CNTNAP2: variants seen among roughly 807,000 people sequenced by gnomAD.
CNTNAP2 encodes contactin associated protein 2, also known as contactin-associated protein-like 2.
CNTNAP2 carries 98 observed loss-of-function variants against 155.2 expected under a neutral mutation model. That is an observed-to-expected ratio of 0.63 (90% CI 0.54 to 0.75). The LOEUF (loss-of-function observed/expected upper bound fraction) is 0.75. CNTNAP2 is among the 30% of genes least tolerant of loss of function. The pLI, the probability that CNTNAP2 is intolerant of heterozygous loss-of-function variation, is 0.00. For synonymous variants in CNTNAP2, 651 were observed against 631.2 expected (o/e 1.03, Z -0.47); for missense variants, 1,727 against 1,688.1 (o/e 1.02, Z -0.40).
intron 1 of CNTNAP2, among the ~76,000 whole-genome samples, chr7:146,546,012 T>C (rs927237494): frequency 3.9e-5 from 6 of 151,904 alleles, no homozygotes; most frequent in Admixed American, 3.9e-4. Flanking sequence ...TCAGAATTCA[T>C]TTAGAAATGG....
At chr7:146,741,639 A>T (rs933171322) in intron 1 of CNTNAP2, among the ~76,000 whole-genome samples, 2 of 152,188 alleles carry the variant, frequency 1.3e-5, no homozygotes, top group African/African-American at 4.8e-5. Flanking sequence ...TTTCGATGGG[A>T]AAATATTATG....
chr7:147,725,920 G>A (rs1796633641), intron 13 of CNTNAP2, among the ~76,000 whole-genome samples: 1 of 152,010 alleles, frequency 6.6e-6, no homozygotes. Flanking sequence ...CTGTGTGAAA[G>A]CTATATTCTT....
In CNTNAP2 at chr7:147,746,656, T is replaced by A. The variant is rs575746661; in HGVS notation, c.2098+107350T>A. 2.6e-5 allele frequency among the ~76,000 whole-genome samples: 4 copies of A among 151,948 alleles called. No individual in the cohort carries two copies. The East Asian group carries it at 7.8e-4, about 30-fold the overall frequency. On this transcript the variant is annotated intron_variant, in intron 13 of 23. Coordinates refer to ENST00000361727, the MANE Select transcript of CNTNAP2 (RefSeq NM_014141.6). The stretch of plus-strand genomic sequence containing the variant: ...ACCAAAGGAAAGAATAAGGCAGGAG[T>A]TCTCATTGACACCAATGGGACCAAT...
chr7:147,826,770 T>C (rs1225683995), intron 13 of CNTNAP2, among the ~76,000 whole-genome samples: 2 of 152,110 alleles, frequency 1.3e-5, no homozygotes, highest in South Asian at 4.1e-4. Flanking sequence ...GTGTAAAAAA[T>C]GCATTTCTAA....
chr7:147,855,223 C>T (rs1248228033), intron 13 of CNTNAP2, among the ~76,000 whole-genome samples: 1 of 151,898 alleles, frequency 6.6e-6, no homozygotes, highest in Non-Finnish European at 1.5e-5. Flanking sequence ...GGAAGAAGAA[C>T]AAACTAATGA....
chr7:147,250,786 T>G (rs1397240004), intron 8 of CNTNAP2, among the ~76,000 whole-genome samples: 1 of 152,124 alleles, frequency 6.6e-6, no homozygotes, highest in Admixed American at 6.5e-5. Context: ...TTCTCAGACC[T>G]CACCCTGGAC....
chr7:147,561,334 A>G (rs1455237568), intron 11 of CNTNAP2, among the ~76,000 whole-genome samples: 3 of 152,182 alleles, frequency 2.0e-5, no homozygotes, highest in African/African-American at 7.2e-5. Context: ...CACATTCTTC[A>G]TTAATTCCTG....
At chr7:147,655,414 C>T (rs148471823) in intron 13 of CNTNAP2, among the ~76,000 whole-genome samples, 2,032 of 152,270 alleles carry the variant, frequency 0.013, 47 homozygotes, top group African/African-American at 0.044. Flanking sequence ...TGAGCCACCG[C>T]GCCCAGCCTA....
chr7:148,011,800 G>A (rs913171803), intron 15 of CNTNAP2, among the ~76,000 whole-genome samples: 4 of 152,178 alleles, frequency 2.6e-5, no homozygotes, highest in African/African-American at 4.8e-5. Flanking sequence ...CAGGAGAATA[G>A]CTCTTCCTTA....
intron 12 of CNTNAP2, among the ~76,000 whole-genome samples, chr7:147,591,851 A>G (rs185020274): frequency 4.7e-4 from 71 of 152,162 alleles, no homozygotes; most frequent in Non-Finnish European, 3.5e-4. Flanking sequence ...AGCTACAACA[A>G]TAGTAAACTA....
chr7:146,619,981 AC>A (rs1223954220), intron 1 of CNTNAP2, among the ~76,000 whole-genome samples: 1 of 152,214 alleles, frequency 6.6e-6, no homozygotes, highest in Non-Finnish European at 1.5e-5. Flanking sequence ...ATGTAAACTT[AC>A]GTTCTCACAA....
intron 18 of CNTNAP2, among the ~76,000 whole-genome samples, chr7:148,205,874 A>T (rs1795440781): frequency 6.6e-6 from 1 of 152,194 alleles, no homozygotes; most frequent in Admixed American, 6.5e-5. Context: ...AGAAACTCAC[A>T]GTCTAGAGAG....
At chr7:146,821,008 A>T (rs1316208263) in intron 2 of CNTNAP2, among the ~76,000 whole-genome samples, 1 of 151,704 alleles carries the variant, frequency 6.6e-6, no homozygotes, top group Non-Finnish European at 1.5e-5. Context: ...CTTGTTTTCC[A>T]TTTGCTTGGT....
At chr7:147,752,506 A>G (rs1797151848) in intron 13 of CNTNAP2, among the ~76,000 whole-genome samples, 2 of 152,180 alleles carry the variant, frequency 1.3e-5, no homozygotes, top group African/African-American at 2.4e-5. Context: ...CAATACGGTG[A>G]GCTCCTGTGT....
intron 1 of CNTNAP2, among the ~76,000 whole-genome samples, chr7:146,397,418 T>C (rs1374130580): frequency 6.6e-6 from 1 of 152,222 alleles, no homozygotes; most frequent in African/African-American, 2.4e-5. Flanking sequence ...TGCCTAGATG[T>C]CATTCAAAGG....
intron 15 of CNTNAP2, among the ~76,000 whole-genome samples, chr7:148,094,313 A>G (rs1468799564): frequency 6.6e-6 from 1 of 152,234 alleles, no homozygotes; most frequent in African/African-American, 2.4e-5. Context: ...CACATATTAA[A>G]CATAGACAAA....
chr7:146,445,281 T>C (rs1342694913), intron 1 of CNTNAP2, among the ~76,000 whole-genome samples: 1 of 152,196 alleles, frequency 6.6e-6, no homozygotes, highest in East Asian at 1.9e-4. Context: ...CAAAATCAAA[T>C]CAAGTATCAT....
intron 8 of CNTNAP2, among the ~76,000 whole-genome samples, chr7:147,172,170 C>A (rs1364383076): frequency 1.3e-5 from 2 of 152,098 alleles, no homozygotes; most frequent in African/African-American, 4.8e-5. Flanking sequence ...TTAATGCATA[C>A]CAATAATAGC....
chr7:147,651,782 A>G (rs1584880266), intron 13 of CNTNAP2, among the ~76,000 whole-genome samples: 1 of 152,370 alleles, frequency 6.6e-6, no homozygotes, highest in South Asian at 2.1e-4. Flanking sequence ...GTTGGCTCAG[A>G]AAAGATGGCT....
Sources: allele counts gnomAD v4.1 joint callset (sites outside exome capture counted in the v4.1 genomes callset), GRCh38; gene constraint gnomAD v4.1.1; transcripts MANE v1.5; gene names NCBI Gene and HGNC (gene_info 2026-07-23, HGNC 2026-07-21).